FKBP4: variants seen among roughly 807,000 people sequenced by gnomAD.
FKBP4 encodes the protein peptidyl-prolyl cis-trans isomerase FKBP4.
FKBP4 carries 28 observed loss-of-function variants against 54.1 expected under a neutral mutation model. The observed-to-expected ratio is 0.52, with a 90% CI of 0.38 to 0.71. The LOEUF (loss-of-function observed/expected upper bound fraction) is 0.71. FKBP4 is among the 30% of genes least tolerant of loss of function. The pLI is 0.00. For synonymous variants in FKBP4, 223 were observed against 216.1 expected (o/e 1.03, Z -0.28); for missense variants, 493 against 574.4 (o/e 0.86, Z 1.45).
chr12:2,799,125 C>A lies in FKBP4; in HGVS notation c.552C>A (p.Asp184Glu), dbSNP rs1365293223. The change falls in exon 5 of 10, where the codon GAC (aspartate) becomes GAA (glutamate). Residue 184 changes from aspartate (D) to glutamate (E), a missense_variant. By Grantham distance (45) the Asp-to-Glu change is conservative. Transcript: ENST00000001008. ...GGTACTACAAGGACAAGCTCTTTGA[C>A]CAGCGGGAGCTCCGCTTTGAGATTG... Reference protein sequence around the residue: ...LEGYYKDKLFDQRELRFEIGE... With the variant: ...LEGYYKDKLFEQRELRFEIGE... 1.9e-6 allele frequency: 3 copies of A among 1,570,454 alleles called. No individual in the cohort carries two copies. Among genetic ancestry groups the A allele is most frequent in the Non-Finnish European group, 2.6e-6 (3 of 1,161,968 alleles).
chr12:2,796,220 A>G, intron 1 of FKBP4: 1 of 1,288,878 alleles, frequency 7.8e-7, no homozygotes, highest in Non-Finnish European at 1.0e-6. Context: ...CACCCACCTC[A>G]GGGGGCCTTT....
chr12:2,800,301 C>G, intron 7 of FKBP4, 91 bp from the exon 8 acceptor site: 1 of 1,453,324 alleles, frequency 6.9e-7, no homozygotes. Flanking sequence ...GCAGGAACCT[C>G]TTGTGGCCAT....
Position 2,801,205 on chromosome 12 carries a change from C to G in FKBP4, c.1121C>G (p.Ala374Gly), listed in dbSNP as rs143021274. The G allele has an allele frequency of 3.7e-5, 60 of 1,613,402 alleles. No individual in the cohort carries two copies. In the African/African-American group the frequency reaches 7.7e-4, roughly 21 times the overall value. ...GTGAATGACTTTGAACTGGCACGGG[C>G]TGATTTCCAGAAGGTCCTGCAGCTC... The part of the protein sequence containing the change: ...LAVNDFELAR[A>G]DFQKVLQLYP... The change falls in exon 9 of 10, where the codon GCT becomes GGT. Residue 374 changes from alanine to glycine, a missense_variant. By Grantham distance (60) the Ala-to-Gly change is moderately conservative. Transcript: ENST00000001008.
At chr12:2,796,644 A>G (rs1031395717) in intron 1 of FKBP4, 27 of 1,130,828 alleles carry the variant, frequency 2.4e-5, no homozygotes, top group African/African-American at 1.1e-4. Context: ...AACTGTTTCT[A>G]TTCTCTTCAC....
At chr12:2,799,719 G>A in intron 5 of FKBP4, 131 bp from the exon 6 acceptor site, 1 of 762,764 alleles carries the variant, frequency 1.3e-6, no homozygotes, top group Non-Finnish European at 2.2e-6. Context: ...GGCCAGGGAA[G>A]ATTTGCCAAA....
At position 2,803,864 on chromosome 12, in the gene FKBP4, A is replaced by G. The variant is rs2097906170; in HGVS notation, c.*606A>G. Reference sequence around the variant, plus strand: ...CCAGGTTGTGTCCCAAAATCCCCTCAGCCTCTTCTCTGCACGTTGCTGAAG... The same window carrying G: ...CCAGGTTGTGTCCCAAAATCCCCTCGGCCTCTTCTCTGCACGTTGCTGAAG... On this transcript the variant is annotated 3_prime_UTR_variant, in exon 10 of 10. Coordinates refer to ENST00000001008, the MANE Select transcript of FKBP4 (RefSeq NM_002014.4). The G allele has an allele frequency of 6.5e-6, 1 of 153,372 alleles. No individual in the cohort carries two copies. Among genetic ancestry groups the G allele is most frequent in the African/African-American group, 2.4e-5 (1 of 41,432 alleles). 9.5% of individuals were successfully genotyped at this position (153,372 alleles called of 1,614,324 possible).
intron 9 of FKBP4, chr12:2,801,766 G>T: frequency 2.9e-6 from 1 of 350,690 alleles, no homozygotes; most frequent in Non-Finnish European, 5.7e-6. Flanking sequence ...AAAAAGAAAA[G>T]CGAGATGCTT....
chr12:2,802,176 T>C (rs574092595), intron 9 of FKBP4, among the ~76,000 whole-genome samples: 231 of 152,310 alleles, frequency 1.5e-3, no homozygotes, highest in African/African-American at 5.3e-3. Flanking sequence ...TCGTTCTTGT[T>C]GCCCAGGCTG....
chr12:2,798,730 G>T lies in FKBP4; in HGVS notation c.418G>T (p.Glu140Ter). Residue 140 changes from glutamate to a stop codon, truncating the protein, a stop_gained, in exon 4 of 10, where the codon GAA becomes TAA. Transcript: ENST00000001008. LOFTEE classifies it high-confidence loss of function. This position sits in a 1 kb window ranked among gnomAD's most constrained non-coding sequence, Gnocchi z 4.3. ...FEVELFEFKG[E>*]DLTEEEDGGI... is the part of the protein sequence containing the mutation. The stretch of plus-strand genomic sequence containing the variant: ...GGTGGAGTTGTTTGAGTTTAAGGGA[G>T]AAGATCTGACGGAAGAGGAAGATGG... The T allele has an allele frequency of 6.2e-7, 1 of 1,613,988 alleles. No homozygotes were observed. The highest frequency in any genetic ancestry group is 1.1e-5 in the South Asian group (1 of 91,068).
In FKBP4 at chr12:2,801,267, G is replaced by A. The variant is rs771391455; in HGVS notation, c.1183G>A (p.Val395Met). The stretch of plus-strand genomic sequence containing the variant: ...CAAAGCCGCCAAGACCCAGCTGGCT[G>A]TGTGCCAGCAGCGGATCCGAAGGCA... ...NNKAAKTQLA[V>M]CQQRIRRQLA... The change falls in exon 9 of 10, where the codon GTG (valine) becomes ATG (methionine). Residue 395 changes from valine (V) to methionine (M), a missense_variant. Physicochemically the swap from Val to Met is conservative, Grantham distance 21. Transcript: ENST00000001008. 2.2e-5 allele frequency: 36 copies of A among 1,613,900 alleles called. No homozygotes were observed. Among genetic ancestry groups the A allele is most frequent in the Non-Finnish European group, 2.9e-5 (34 of 1,180,040 alleles).
intron 7 of FKBP4, 56 bp from the exon 8 acceptor site, chr12:2,800,336 A>G: frequency 6.5e-7 from 1 of 1,549,210 alleles, no homozygotes; most frequent in South Asian, 1.2e-5. Context: ...TGCAGGGTAT[A>G]AGAGCCTAGT....
At position 2,795,460 on chromosome 12, in the gene FKBP4, A is replaced by G. The variant is rs1465579001; in HGVS notation, c.105+216A>G. Among the ~76,000 whole-genome samples the G allele has an allele frequency of 6.8e-6, 1 of 147,130 alleles. No individual in the cohort carries two copies. The highest frequency in any genetic ancestry group is 6.7e-5 in the Admixed American group (1 of 14,828). On this transcript the variant is annotated intron_variant, in intron 1 of 9. Transcript: ENST00000001008. This position sits in a 1 kb window ranked among gnomAD's most constrained non-coding sequence, Gnocchi z 4.3. The stretch of plus-strand genomic sequence containing the variant: ...CATGCGCTCGGCAGGGGGGCGGCCT[A>G]GGTGCGCGGGCCGAGGCCCCAGGCT...
intron 2 of FKBP4, 133 bp downstream of exon 2, chr12:2,797,415 T>C: frequency 1.1e-6 from 1 of 875,812 alleles, no homozygotes; most frequent in Non-Finnish European, 1.6e-6. Context: ...CGGTCACTCT[T>C]TTTTTTTTTT....
At chr12:2,796,079 C>T in intron 1 of FKBP4, 2 of 1,188,968 alleles carry the variant, frequency 1.7e-6, no homozygotes, top group Non-Finnish European at 2.1e-6. Context: ...GCCAGGACAA[C>T]CTGCCTTGGG....
In FKBP4 at chr12:2,798,313, T is replaced by G. The variant is rs778177461; in HGVS notation, c.394-393T>G. Among the ~76,000 whole-genome samples the G allele has an allele frequency of 6.6e-6, 1 of 152,228 alleles. No individual in the cohort carries two copies. The highest frequency in any genetic ancestry group is 1.5e-5 in the Non-Finnish European group (1 of 68,028). On this transcript the variant is annotated intron_variant, in intron 3 of 9. Transcript: ENST00000001008. The surrounding 1 kb of genome is among the most constrained non-coding windows in gnomAD (Gnocchi z 4.3). ...TTGACATTGTTCAATCTGAAAATGG[T>G]TGAGCCAATCCGTGGGCCCTTGAAT...
intron 1 of FKBP4, chr12:2,796,166 G>A: frequency 7.8e-7 from 1 of 1,275,626 alleles, no homozygotes; most frequent in Non-Finnish European, 1.0e-6. Context: ...ATCCGCTGCT[G>A]CGTCCTCATC....
At chr12:2,797,380 G>T in intron 2 of FKBP4, 98 bp downstream of exon 2, 1 of 1,375,886 alleles carries the variant, frequency 7.3e-7, no homozygotes. Flanking sequence ...GGGAGGAATG[G>T]TTTATCACAG....
rs575891939 is a variant in FKBP4, at chr12:2,804,393, C to G, written c.*1135C>G. 3 of 152,394 alleles carry G rather than the reference C, an allele frequency of 2.0e-5. No homozygotes were observed. In the South Asian group the frequency reaches 6.2e-4, roughly 32 times the overall value. The allele number at this position is 152,394 out of a possible 1,614,324, so 9.4% of individuals were successfully genotyped here. On this transcript the variant is annotated 3_prime_UTR_variant, in exon 10 of 10. Coordinates refer to ENST00000001008, the MANE Select transcript of FKBP4 (RefSeq NM_002014.4). ...AACTCCTGGTGTCACTGACCTCCTC[C>G]TGTCAGATAACTTACATGATTAAGG... is the stretch of plus-strand genomic sequence containing the variant.
chr12:2,798,817 A>G lies in FKBP4; in HGVS notation c.505A>G (p.Ile169Val), dbSNP rs761447742. The G allele has an allele frequency of 8.7e-6, 14 of 1,614,034 alleles. No homozygotes were observed. Among genetic ancestry groups the G allele is most frequent in the East Asian group, 2.2e-5 (1 of 44,898 alleles). Residue 169 changes from isoleucine (I) to valine (V), a missense_variant, in exon 4 of 10, where the codon ATC becomes GTC. Transcript: ENST00000001008. The surrounding 1 kb of genome is among the most constrained non-coding windows in gnomAD (Gnocchi z 4.3). ...EGYAKPNEGA[I>V]VEVALEGYYK... ...CTATGCTAAGCCCAATGAGGGTGCT[A>G]TCGTGGAGGGTGAGACAGTACAGTC...
Sources: allele counts gnomAD v4.1 joint callset (sites outside exome capture counted in the v4.1 genomes callset), GRCh38; gene constraint gnomAD v4.1.1; non-coding constraint Gnocchi (gnomAD v3.1); transcripts MANE v1.5; gene names NCBI Gene and HGNC (gene_info 2026-07-23, HGNC 2026-07-21).